FGD4: variants seen among roughly 807,000 people sequenced by gnomAD.
FGD4 encodes FYVE, RhoGEF and PH domain containing 4, also known as FYVE, RhoGEF and PH domain-containing protein 4.
In FGD4, 42 loss-of-function variants were observed where a neutral mutation model predicts 102.0. The observed-to-expected ratio is 0.41, with a 90% CI of 0.32 to 0.53. FGD4 has a LOEUF of 0.53. Ranked by LOEUF, FGD4 falls within the 20% of genes least tolerant of loss-of-function variation. The probability of loss-of-function intolerance (pLI) is 0.21; values close to 1 mark genes in which losing one functional copy is unlikely to be tolerated. For synonymous variants in FGD4, 380 were observed against 375.7 expected, an observed-to-expected ratio of 1.01 and a Z score of -0.13; for missense variants, 902 against 1,078.2, an observed-to-expected ratio of 0.84 and a Z score of 2.29.
At chr12:32,554,546 C>A (rs1943944791) in intron 1 of FGD4, among the ~76,000 whole-genome samples, 1 of 152,116 alleles carries the variant, frequency 6.6e-6, no homozygotes, top group Admixed American at 6.5e-5. Flanking sequence ...CAATTGCTGC[C>A]TTCCTGGAGC....
intron 1 of FGD4, among the ~76,000 whole-genome samples, chr12:32,409,291 C>CTTTTTTTT (rs34814176): frequency 1.5e-5 from 2 of 132,012 alleles, no homozygotes; most frequent in Non-Finnish European, 1.6e-5. Flanking sequence ...TCTTTTTTTT[C>CTTTTTTTT]TTTTTTTTTT....
intron 1 of FGD4, among the ~76,000 whole-genome samples, chr12:32,485,268 G>A (rs1049226199): frequency 2.6e-5 from 4 of 151,986 alleles, no homozygotes; most frequent in African/African-American, 9.7e-5. Flanking sequence ...AATTACTTGG[G>A]ATTGCTAGGT....
chr12:32,547,664 G>A (rs1332332978), intron 1 of FGD4, among the ~76,000 whole-genome samples: 1 of 152,240 alleles, frequency 6.6e-6, no homozygotes, highest in Non-Finnish European at 1.5e-5. Context: ...AAGAATAGCA[G>A]TAGTATTTAA....
chr12:32,566,428 CA>C (rs1363592444), intron 2 of FGD4, among the ~76,000 whole-genome samples: 7 of 152,158 alleles, frequency 4.6e-5, no homozygotes, highest in African/African-American at 1.7e-4. Flanking sequence ...TCATTCATTA[CA>C]ACCTGACCTG....
At chr12:32,511,457 G>A (rs1485102048) in intron 1 of FGD4, among the ~76,000 whole-genome samples, 1 of 151,954 alleles carries the variant, frequency 6.6e-6, no homozygotes, top group Non-Finnish European at 1.5e-5. Flanking sequence ...CCACCACCAC[G>A]CCCAGCTAAT....
intron 1 of FGD4, among the ~76,000 whole-genome samples, chr12:32,418,557 A>T (rs1377407401): frequency 6.6e-6 from 1 of 152,058 alleles, no homozygotes; most frequent in East Asian, 1.9e-4. Context: ...ATTTTCTCCC[A>T]AACAAATGGA....
intron 1 of FGD4, among the ~76,000 whole-genome samples, chr12:32,403,034 C>G (rs1477852433): frequency 6.6e-6 from 1 of 152,068 alleles, no homozygotes; most frequent in Non-Finnish European, 1.5e-5. Context: ...TCTATAGCAC[C>G]TAGGAAAATA....
intron 1 of FGD4, among the ~76,000 whole-genome samples, chr12:32,521,677 A>C (rs1025160329): frequency 9.9e-5 from 15 of 152,232 alleles, no homozygotes; most frequent in Non-Finnish European, 2.2e-4. Context: ...TTTAGCATTT[A>C]CTTTAAAAAA....
chr12:32,502,377 G>A (rs1413073321), intron 1 of FGD4: 4 of 977,906 alleles, frequency 4.1e-6, no homozygotes, highest in African/African-American at 1.8e-5. Context: ...TTTGTAGTAC[G>A]TTTGTGTGGG....
chr12:32,595,749 G>A (rs1224446879), intron 4 of FGD4, among the ~76,000 whole-genome samples: 2 of 152,132 alleles, frequency 1.3e-5, no homozygotes, highest in East Asian at 1.9e-4. Flanking sequence ...ACTTTATCCC[G>A]AATTGTATTA....
At chr12:32,585,168 T>TC (rs1946902638) in intron 4 of FGD4, among the ~76,000 whole-genome samples, 1 of 148,602 alleles carries the variant, frequency 6.7e-6, no homozygotes, top group African/African-American at 2.5e-5. Flanking sequence ...TGAGCTGAGA[T>TC]CCCACCACAG....
At chr12:32,585,661 C>T (rs1946964495) in intron 4 of FGD4, among the ~76,000 whole-genome samples, 1 of 151,738 alleles carries the variant, frequency 6.6e-6, no homozygotes, top group Non-Finnish European at 1.5e-5. Context: ...GGGCAAAACC[C>T]CATCTCTACA....
chr12:32,535,258 T>C (rs930012977), intron 1 of FGD4, among the ~76,000 whole-genome samples: 3 of 152,308 alleles, frequency 2.0e-5, no homozygotes, highest in African/African-American at 7.2e-5. Flanking sequence ...CACTGAAAAA[T>C]GTCCACACTG....
At chr12:32,528,537 G>A (rs11052048) in intron 1 of FGD4, among the ~76,000 whole-genome samples, 8 of 151,820 alleles carry the variant, frequency 5.3e-5, no homozygotes, top group Non-Finnish European at 7.4e-5. Context: ...TTACAGGTGC[G>A]CACCACCACG....
At chr12:32,484,022 A>G (rs1012747050) in intron 1 of FGD4, among the ~76,000 whole-genome samples, 6 of 152,146 alleles carry the variant, frequency 3.9e-5, no homozygotes, top group Non-Finnish European at 2.9e-5. Flanking sequence ...ATTATACTAG[A>G]TGATGGTGTG....
At chr12:32,415,638 G>A (rs142183909) in intron 1 of FGD4, among the ~76,000 whole-genome samples, 49 of 152,182 alleles carry the variant, frequency 3.2e-4, no homozygotes, top group Non-Finnish European at 6.5e-4. Context: ...AGCCAGGATT[G>A]TCTTGATCTC....
intron 1 of FGD4, among the ~76,000 whole-genome samples, chr12:32,475,892 A>G (rs1943571049): frequency 6.6e-6 from 1 of 152,216 alleles, no homozygotes; most frequent in African/African-American, 2.4e-5. Context: ...TTTTTAACCC[A>G]TGAAGTCCAA....
intron 1 of FGD4, among the ~76,000 whole-genome samples, chr12:32,435,553 G>C (rs1278677706): frequency 6.7e-6 from 1 of 149,882 alleles, no homozygotes; most frequent in African/African-American, 2.5e-5. Flanking sequence ...CCTTTTTTTT[G>C]TGGTTTCCAT....
rs528437420 is a variant in FGD4 at position 32,540,566 on chromosome 12, C to CTT, written c.167-23558_167-23557dup. On this transcript the variant is annotated intron_variant, in intron 1 of 16. Transcript: ENST00000534526. ...GCCTTTTTTTTTCTTTCTTTCTTTT[C>CTT]TTTTTTTTTTTTTTGTGAGACAGAG... Among the ~76,000 whole-genome samples, 859 of 136,392 alleles carry CTT rather than the reference C, an allele frequency of 6.3e-3. 25 individuals carry two copies. Among genetic ancestry groups the CTT allele is most frequent in the African/African-American group, 0.022 (819 of 36,488 alleles). The allele number at this position is 136,392 out of a possible 152,430, so 89.5% of individuals were successfully genotyped here.
Sources: allele counts gnomAD v4.1 joint callset (sites outside exome capture counted in the v4.1 genomes callset), GRCh38; gene constraint gnomAD v4.1.1; transcripts MANE v1.5; gene names NCBI Gene and HGNC (gene_info 2026-07-23, HGNC 2026-07-21).